CNPPD1: variants seen among roughly 807,000 people sequenced by gnomAD.
The protein encoded by CNPPD1 is cyclin Pas1/PHO80 domain containing 1, also known as protein CNPPD1.
A neutral mutation model predicts 43.7 loss-of-function variants in CNPPD1; 40 were observed. The ratio of observed to expected loss-of-function variants is 0.92; its 90% CI spans 0.71 to 1.19. CNPPD1 has a LOEUF of 1.19. Ranked by LOEUF, CNPPD1 falls within the 50% of genes most tolerant of loss-of-function variation. CNPPD1 has a pLI of 0.00. For missense variants in CNPPD1, 511 were observed against 518.5 expected (o/e 0.99, Z 0.14); for synonymous variants, 208 against 214.3 (o/e 0.97, Z 0.26).
chr2:219,174,923 AGTG>A lies in CNPPD1; in HGVS notation c.382-20_382-18del. On this transcript the variant is annotated intron_variant, in intron 4 of 7. Transcript: ENST00000360507. ...GGCCACCATCTGCAGAGGAACCAGAAGTGGTGGAGCAGAGCTCATAGCAGGCTC... is the reference window on the plus strand; with the variant it reads ...GGCCACCATCTGCAGAGGAACCAGAAGTGGAGCAGAGCTCATAGCAGGCTC... 1 of 1,614,130 alleles carries A rather than the reference AGTG, an allele frequency of 6.2e-7. No homozygotes were observed. Among genetic ancestry groups the A allele is most frequent in the Non-Finnish European group, 8.5e-7 (1 of 1,180,024 alleles).
At position 219,173,350 on chromosome 2, in the gene CNPPD1, C is replaced by T. The variant is rs746340479; in HGVS notation, c.690G>A (p.Lys230=). The T allele has an allele frequency of 3.1e-6, 5 of 1,612,824 alleles. No homozygotes were observed. The highest frequency in any genetic ancestry group is 3.5e-4 in the Middle Eastern group (2 of 5,662). Residue 230 remains lysine, a splice_region_variant and synonymous_variant, in exon 7 of 8, where the codon AAG becomes AAA. Transcript: ENST00000360507. ...CCTATCCTTCCGAGCCCCTCCTCAC[C>T]TTTACCAGCCGCTGGCAGAGGGAGC... ...ALGSLCQRLV[K]LSCLLAVAYV...
chr2:219,173,498 G>C (rs1418864773), intron 6 of CNPPD1, 31 bp from the exon 7 acceptor site: 1 of 1,596,576 alleles, frequency 6.3e-7, no homozygotes, highest in Non-Finnish European at 8.6e-7. Flanking sequence ...ACAAGAGTAT[G>C]CAACTGTCCT....
chr2:219,175,737 A>C, intron 2 of CNPPD1, 65 bp from the exon 3 acceptor site: 2 of 1,357,826 alleles, frequency 1.5e-6, no homozygotes, highest in Admixed American at 3.4e-5. Context: ...ACCAGTCCCC[A>C]CTGCTAGCAG....
Position 219,173,113 on chromosome 2 carries a change from C to CT in CNPPD1, c.705dup (p.Ala236SerfsTer34). On this transcript the variant is annotated frameshift_variant, in exon 8 of 8. Transcript: ENST00000360507. LOFTEE classifies it high-confidence loss of function. ...GCCACACTGCTCACATATGCCACAG[C>CT]TAACAGGCAAGACAGCTGCAGGAGA... 1 of 1,584,904 alleles carries CT rather than the reference C, an allele frequency of 6.3e-7. No homozygotes were observed.
upstream of CNPPD1, chr2:219,176,979 C>G (rs910361404): frequency 4.8e-5 from 30 of 625,896 alleles, no homozygotes; most frequent in Middle Eastern, 3.2e-4. Flanking sequence ...CTCCCTCCCC[C>G]CGGCGGCGGA....
At chr2:219,177,513 G>T (rs546166782), upstream of CNPPD1, among the ~76,000 whole-genome samples, 1 of 152,170 alleles carries the variant, frequency 6.6e-6, no homozygotes, top group East Asian at 1.9e-4. Flanking sequence ...AAATTTAGCA[G>T]TGGGTGAACT....
chr2:219,177,523 T>C (rs894767734), upstream of CNPPD1, among the ~76,000 whole-genome samples: 1 of 151,814 alleles, frequency 6.6e-6, no homozygotes. Flanking sequence ...GTGGGTGAAC[T>C]ATGAAAAGGA....
chr2:219,173,929 C>T (rs1346516319), intron 6 of CNPPD1, among the ~76,000 whole-genome samples: 2 of 152,184 alleles, frequency 1.3e-5, no homozygotes, highest in African/African-American at 4.8e-5. Context: ...GACATAACTA[C>T]CATACCCACC....
intron 3 of CNPPD1, 43 bp from the exon 4 acceptor site, chr2:219,175,151 C>T: frequency 6.5e-7 from 1 of 1,531,634 alleles, no homozygotes; most frequent in Admixed American, 2.1e-5. Context: ...AAGGGTCCTT[C>T]AGCTCTTGCA....
At position 219,173,137 on chromosome 2, in the gene CNPPD1, G is replaced by A. The variant is rs780015486; in HGVS notation, c.691-9C>T. 17 of 1,555,914 alleles carry A rather than the reference G, an allele frequency of 1.1e-5. No individual in the cohort carries two copies. The Middle Eastern group carries it at 5.2e-4, about 47-fold the overall frequency. On this transcript the variant is annotated splice_polypyrimidine_tract_variant and intron_variant, in intron 7 of 7. Transcript: ENST00000360507. Reference sequence around the variant, plus strand: ...GCTAACAGGCAAGACAGCTGCAGGAGAGGAGATAAGAAAGAAGGAATCTGT... The same window carrying A: ...GCTAACAGGCAAGACAGCTGCAGGAAAGGAGATAAGAAAGAAGGAATCTGT...
chr2:219,172,732 G>C lies in CNPPD1; in HGVS notation c.1087C>G (p.Leu363Val). The C allele has an allele frequency of 1.2e-6, 2 of 1,613,456 alleles. No individual in the cohort carries two copies. The highest frequency in any genetic ancestry group is 2.2e-5 in the East Asian group (1 of 44,884). ...LHPNRTVPTA[L>V]SSPWYHTYGL... ...TAGGTATGGTACCAGGGGCTGGACA[G>C]CGCAGTGGGGACTGTACGGTTGGGG... Residue 363 changes from leucine to valine, a missense_variant, in exon 8 of 8, where the codon CTG becomes GTG. Leu to Val is a conservative substitution (Grantham distance 32). Coordinates refer to ENST00000360507, the MANE Select transcript of CNPPD1 (RefSeq NM_015680.6).
intron 7 of CNPPD1, 93 bp from the exon 8 acceptor site, chr2:219,173,221 G>T: frequency 7.0e-7 from 1 of 1,438,832 alleles, no homozygotes; most frequent in Non-Finnish European, 9.5e-7. Context: ...GGTCTCTATA[G>T]CCATTTACAC....
Position 219,173,090 on chromosome 2 carries a change from C to CACA in CNPPD1, c.726_728dup (p.Val243dup). 6.2e-7 allele frequency: 1 copy of CACA among 1,601,694 alleles called. No homozygotes were observed. The highest frequency in any genetic ancestry group is 8.5e-7 in the Non-Finnish European group (1 of 1,176,688). ...CGGCCACCGATGCCACAGCCAGGGC[C>CACA]ACACTGCTCACATATGCCACAGCTA... On this transcript the variant is annotated inframe_insertion, in exon 8 of 8. Coordinates refer to ENST00000360507, the MANE Select transcript of CNPPD1 (RefSeq NM_015680.6).
chr2:219,175,134 T>G, intron 3 of CNPPD1, 26 bp from the exon 4 acceptor site: 1 of 1,558,844 alleles, frequency 6.4e-7, no homozygotes, highest in Non-Finnish European at 8.6e-7. Flanking sequence ...GATCACTAAT[T>G]AAACCCAAGG....
At chr2:219,176,674 G>A (rs1380906275) in intron 1 of CNPPD1, 86 bp downstream of exon 1, 5 of 1,073,972 alleles carry the variant, frequency 4.7e-6, no homozygotes, top group Non-Finnish European at 6.8e-6. Flanking sequence ...CCCAGTCCCG[G>A]CACAGCAGTC....
At position 219,176,850 on chromosome 2, in the gene CNPPD1, G is replaced by C. The variant is rs1007076623; in HGVS notation, c.-22C>G. The C allele has an allele frequency of 1.3e-6, 2 of 1,557,976 alleles. No homozygotes were observed. The highest frequency in any genetic ancestry group is 2.7e-5 in the African/African-American group (2 of 73,374). On this transcript the variant is annotated 5_prime_UTR_variant, in exon 1 of 8. Transcript: ENST00000360507. ...CCATCGCGCCGCCAGTCGCCGCCCTGCGAAGGTGAACGGAAGGAAACGAGT... is the reference window on the plus strand; with the variant it reads ...CCATCGCGCCGCCAGTCGCCGCCCTCCGAAGGTGAACGGAAGGAAACGAGT...
At position 219,172,947 on chromosome 2, in the gene CNPPD1, G is replaced by A; in HGVS notation, c.872C>T (p.Ser291Phe). Residue 291 changes from serine (S) to phenylalanine (F), a missense_variant, in exon 8 of 8, where the codon TCT (serine) becomes TTT (phenylalanine). Transcript: ENST00000360507. Reference sequence around the variant, plus strand: ...CAGGCAGCTGGAGACATTAGCGAGAGACGGCAGGCATTGTGGCACAGAAGG... The same window carrying A: ...CAGGCAGCTGGAGACATTAGCGAGAAACGGCAGGCATTGTGGCACAGAAGG... ...CIPSVPQCLP[S>F]LANVSSCLEG... The A allele has an allele frequency of 6.2e-7, 1 of 1,613,938 alleles. No individual in the cohort carries two copies.
chr2:219,177,099 C>G (rs558451926), upstream of CNPPD1: 1 of 391,840 alleles, frequency 2.6e-6, no homozygotes, highest in Non-Finnish European at 4.6e-6. Flanking sequence ...CCGTGCGACG[C>G]TCACCTCGCG....
chr2:219,177,022 C>T (rs1233833220), upstream of CNPPD1: 88 of 504,322 alleles, frequency 1.7e-4, 1 homozygote, highest in East Asian at 3.1e-3. Context: ...GGCGCCTCTT[C>T]CTGTTCCGCC....
Sources: allele counts gnomAD v4.1 joint callset (sites outside exome capture counted in the v4.1 genomes callset), GRCh38; gene constraint gnomAD v4.1.1; transcripts MANE v1.5; gene names NCBI Gene and HGNC (gene_info 2026-07-23, HGNC 2026-07-21).